The following ARL13B variants were observed in gnomAD, a reference collection of about 807,000 sequenced individuals.
ARL13B encodes the protein ADP-ribosylation factor-like protein 13B.
ARL13B carries 36 observed loss-of-function variants against 56.1 expected under a neutral mutation model. That is an observed-to-expected ratio of 0.64 (90% CI 0.49 to 0.85). The LOEUF (loss-of-function observed/expected upper bound fraction) is 0.85, where lower values mean the gene tolerates loss of function less well. Ranked by LOEUF, ARL13B falls within the 40% of genes least tolerant of loss-of-function variation. The pLI is 0.00. For synonymous variants in ARL13B, 178 were observed against 171.1 expected (o/e 1.04, Z -0.32); for missense variants, 519 against 507.1 (o/e 1.02, Z -0.23).
rs747938808 is a variant in ARL13B at position 94,055,022 on chromosome 3, T to G, written c.*1759T>G. Reference sequence around the variant, plus strand: ...GTTTTTAAAATTTGTGTTTTCTATCTGTTTACTATAGTGTAGCTACTGGCT... The same window carrying G: ...GTTTTTAAAATTTGTGTTTTCTATCGGTTTACTATAGTGTAGCTACTGGCT... On this transcript the variant is annotated 3_prime_UTR_variant, in exon 10 of 10. Coordinates refer to ENST00000394222, the MANE Select transcript of ARL13B (RefSeq NM_001174150.2). 6.2e-6 allele frequency: 2 copies of G among 324,588 alleles called. No individual in the cohort carries two copies. The highest frequency in any genetic ancestry group is 2.2e-5 in the African/African-American group (1 of 44,492). 20.1% of individuals were successfully genotyped at this position (324,588 alleles called of 1,614,324 possible). A position where few individuals can be genotyped will look rare whatever the true frequency, so the allele number is the denominator to read the frequency against.
intron 1 of ARL13B, chr3:93,988,920 G>A (rs998620792): frequency 4.1e-5 from 13 of 316,838 alleles, no homozygotes; most frequent in Middle Eastern, 1.1e-3. Context: ...CCACCCCTTC[G>A]GCTGAACTGA....
At chr3:94,045,154 C>T (rs986401790) in intron 7 of ARL13B, among the ~76,000 whole-genome samples, 3 of 152,152 alleles carry the variant, frequency 2.0e-5, no homozygotes, top group African/African-American at 7.2e-5. Flanking sequence ...ACCCCCAACC[C>T]TGTGCTCTCT....
At position 94,055,649 on chromosome 3, in the gene ARL13B, T is replaced by C; in HGVS notation, c.*2386T>C. 2.2e-6 allele frequency: 1 copy of C among 452,884 alleles called. No individual in the cohort carries two copies. Among genetic ancestry groups the C allele is most frequent in the Non-Finnish European group, 4.4e-6 (1 of 226,114 alleles). 28.1% of individuals were successfully genotyped at this position (452,884 alleles called of 1,614,324 possible). A position where few individuals can be genotyped will look rare whatever the true frequency, so the allele number is the denominator to read the frequency against. On this transcript the variant is annotated 3_prime_UTR_variant, in exon 10 of 10. Coordinates refer to ENST00000394222, the MANE Select transcript of ARL13B (RefSeq NM_001174150.2). ...TACATGATATTGTATGTAACTGACT[T>C]CAAATATAAAACTATGCATAGAAAC...
chr3:93,986,245 A>G (rs1017384479), intron 1 of ARL13B, among the ~76,000 whole-genome samples: 2 of 152,140 alleles, frequency 1.3e-5, no homozygotes, highest in African/African-American at 2.4e-5. Context: ...GGACACTAAG[A>G]ATTTGACTTG....
intron 4 of ARL13B, 77 bp from the exon 5 acceptor site, chr3:94,036,475 T>C: frequency 1.4e-6 from 2 of 1,461,808 alleles, no homozygotes; most frequent in Non-Finnish European, 1.9e-6. Flanking sequence ...GATTTGCCAT[T>C]AATTATACTT....
intron 1 of ARL13B, among the ~76,000 whole-genome samples, chr3:93,983,167 C>T (rs557114577): frequency 7.2e-4 from 110 of 152,216 alleles, no homozygotes; most frequent in African/African-American, 2.6e-3. Context: ...TGTATTTGTT[C>T]ACCTCTCCTC....
At chr3:94,019,371 A>G (rs925924058) in intron 3 of ARL13B, among the ~76,000 whole-genome samples, 2 of 151,082 alleles carry the variant, frequency 1.3e-5, no homozygotes, top group African/African-American at 4.9e-5. Context: ...TAATTTTTGT[A>G]TTTTCAGTAG....
At chr3:93,983,355 C>G (rs1053820425) in intron 1 of ARL13B, among the ~76,000 whole-genome samples, 1 of 152,172 alleles carries the variant, frequency 6.6e-6, no homozygotes, top group African/African-American at 2.4e-5. Context: ...CTGAACCCCA[C>G]TTATTTGGGG....
At chr3:93,996,625 G>T in intron 2 of ARL13B, 1 of 440,146 alleles carries the variant, frequency 2.3e-6, no homozygotes, top group Non-Finnish European at 4.6e-6. Flanking sequence ...CTATTCTTCT[G>T]CCTTGGCCTC....
At chr3:93,982,521 G>A (rs1368194884) in intron 1 of ARL13B, among the ~76,000 whole-genome samples, 5 of 152,174 alleles carry the variant, frequency 3.3e-5, no homozygotes, top group African/African-American at 1.2e-4. Context: ...ATGTTGAAAT[G>A]ATAACTTTTG....
chr3:93,998,343 G>A (rs1278501778), intron 2 of ARL13B, among the ~76,000 whole-genome samples: 1 of 151,990 alleles, frequency 6.6e-6, no homozygotes. Flanking sequence ...TTTCTCTTAT[G>A]TATTCCACCT....
At chr3:93,987,324 T>G (rs192365583) in intron 1 of ARL13B, among the ~76,000 whole-genome samples, 7 of 152,264 alleles carry the variant, frequency 4.6e-5, no homozygotes, top group Admixed American at 4.6e-4. Context: ...TGTATATCCG[T>G]TATATAAAAA....
At chr3:93,996,539 A>G (rs1318227563) in intron 2 of ARL13B, 3 of 275,916 alleles carry the variant, frequency 1.1e-5, no homozygotes, top group South Asian at 3.3e-5. Flanking sequence ...TTAATTTTTA[A>G]TTTATTAGGT....
Position 94,026,805 on chromosome 3 carries a change from A to G in ARL13B, c.381-8526A>G, listed in dbSNP as rs184743589. Among the ~76,000 whole-genome samples, 313 of 152,268 alleles carry G rather than the reference A, an allele frequency of 2.1e-3. No individual in the cohort carries two copies. The Middle Eastern group carries it at 0.024, about 12-fold the overall frequency. On this transcript the variant is annotated intron_variant, in intron 3 of 9. Coordinates refer to ENST00000394222, the MANE Select transcript of ARL13B (RefSeq NM_001174150.2). ...ATTATGTTTAACTTGCAGCATTGCT[A>G]TACAGTTTTGAATTTTACTAGCAAG... is the stretch of plus-strand genomic sequence containing the variant.
chr3:94,032,322 A>G (rs1482372252), intron 3 of ARL13B, among the ~76,000 whole-genome samples: 1 of 152,248 alleles, frequency 6.6e-6, no homozygotes, highest in Non-Finnish European at 1.5e-5. Flanking sequence ...GCCTAATCAG[A>G]GAAATGCAGA....
At chr3:94,010,531 C>T (rs541757891) in intron 3 of ARL13B, among the ~76,000 whole-genome samples, 13 of 152,002 alleles carry the variant, frequency 8.6e-5, no homozygotes, top group Non-Finnish European at 1.5e-4. Flanking sequence ...ATTTTGCCTT[C>T]GCCTCTTTTA....
intron 1 of ARL13B, among the ~76,000 whole-genome samples, chr3:93,989,555 A>T (rs1163382343): frequency 6.7e-6 from 1 of 148,392 alleles, no homozygotes; most frequent in Non-Finnish European, 1.5e-5. Flanking sequence ...GCTATGGTTA[A>T]TTTTTTTTTT....
chr3:94,001,870 G>T (rs1456307107), intron 2 of ARL13B, among the ~76,000 whole-genome samples: 1 of 152,156 alleles, frequency 6.6e-6, no homozygotes, highest in Admixed American at 6.6e-5. Flanking sequence ...GTTAAGCTTA[G>T]ATCACATTTT....
intron 6 of ARL13B, among the ~76,000 whole-genome samples, chr3:94,041,483 T>C (rs2076861033): frequency 6.6e-6 from 1 of 152,148 alleles, no homozygotes; most frequent in Admixed American, 6.5e-5. Flanking sequence ...TTATATGTGC[T>C]TGGAGGAGGA....
Sources: allele counts gnomAD v4.1 joint callset (sites outside exome capture counted in the v4.1 genomes callset), GRCh38; gene constraint gnomAD v4.1.1; transcripts MANE v1.5; gene names NCBI Gene and HGNC (gene_info 2026-07-23, HGNC 2026-07-21).